Variants in SYT17 observed in about 807,000 individuals in gnomAD.
SYT17 encodes the protein synaptotagmin 17.
In SYT17, 22 loss-of-function variants were observed where a neutral mutation model predicts 46.7. That is an observed-to-expected ratio of 0.47 (90% CI 0.34 to 0.67). The LOEUF (loss-of-function observed/expected upper bound fraction) is 0.67, where lower values mean the gene tolerates loss of function less well. Ranked by LOEUF, SYT17 falls within the 30% of genes least tolerant of loss-of-function variation. The pLI is 0.01. For missense variants in SYT17, 519 were observed against 612.8 expected, an observed-to-expected ratio of 0.85 and a Z score of 1.62; for synonymous variants, 251 against 248.4, an observed-to-expected ratio of 1.01 and a Z score of -0.10.
chr16:19,224,215 C>T (rs908625290), intron 6 of SYT17, among the ~76,000 whole-genome samples: 2 of 152,140 alleles, frequency 1.3e-5, no homozygotes, highest in African/African-American at 4.8e-5. Flanking sequence ...GAGTCTGGTT[C>T]TGTGTCCACC....
intron 7 of SYT17, among the ~76,000 whole-genome samples, chr16:19,237,448 C>T (rs897200804): frequency 6.6e-6 from 1 of 150,660 alleles, no homozygotes; most frequent in African/African-American, 2.4e-5. Flanking sequence ...ATAAGACACA[C>T]CCAACAGTGC....
At position 19,225,038 on chromosome 16, in the gene SYT17, C is replaced by G. The variant is rs147029754; in HGVS notation, c.1228+200C>G. Among the ~76,000 whole-genome samples, 162 of 152,278 alleles carry G rather than the reference C, an allele frequency of 1.1e-3. 1 individual carries two copies. In the East Asian group the frequency reaches 0.026, roughly 25 times the overall value. Reference sequence around the variant, plus strand: ...ATAATATAATTGTTAGAAATGTGGACTTGAGCCAAATTTCCTCAGACTGCC... The same window carrying G: ...ATAATATAATTGTTAGAAATGTGGAGTTGAGCCAAATTTCCTCAGACTGCC... On this transcript the variant is annotated intron_variant, in intron 7 of 7. Coordinates refer to ENST00000355377, the MANE Select transcript of SYT17 (RefSeq NM_016524.4).
intron 5 of SYT17, among the ~76,000 whole-genome samples, chr16:19,201,450 C>A (rs1464480383): frequency 2.0e-5 from 3 of 152,056 alleles, no homozygotes; most frequent in Admixed American, 6.6e-5. Context: ...GACTCCTGTA[C>A]AAATGCCCAG....
intron 7 of SYT17, among the ~76,000 whole-genome samples, chr16:19,256,982 C>G (rs936779357): frequency 3.9e-5 from 6 of 152,144 alleles, no homozygotes; most frequent in Admixed American, 3.9e-4. Flanking sequence ...CTCTTAACTT[C>G]TCCGAGCCTC....
At chr16:19,184,271 T>C in intron 5 of SYT17, 124 bp downstream of exon 5, 1 of 1,347,780 alleles carries the variant, frequency 7.4e-7, no homozygotes, top group East Asian at 2.5e-5. Context: ...AAATAATTTT[T>C]GACTCACAAG....
chr16:19,259,508 T>C (rs1211042618), intron 7 of SYT17, among the ~76,000 whole-genome samples: 1 of 152,222 alleles, frequency 6.6e-6, no homozygotes, highest in Non-Finnish European at 1.5e-5. Context: ...TTTTGAGTTC[T>C]TGTATCTGTC....
At chr16:19,219,971 G>A (rs371682658) in intron 5 of SYT17, among the ~76,000 whole-genome samples, 23 of 152,286 alleles carry the variant, frequency 1.5e-4, no homozygotes, top group East Asian at 1.2e-3. Context: ...AGAATTCTCC[G>A]CATTGCTCAT....
At chr16:19,204,451 ACTCAGCTTTCG>A (rs1295253163) in intron 5 of SYT17, among the ~76,000 whole-genome samples, 3 of 151,978 alleles carry the variant, frequency 2.0e-5, no homozygotes, top group Non-Finnish European at 4.4e-5. Flanking sequence ...CTAGAGCCTC[ACTCAGCTTTCG>A]GCGTTGAGGT....
intron 7 of SYT17, among the ~76,000 whole-genome samples, chr16:19,237,497 G>T (rs1966864708): frequency 6.6e-6 from 1 of 152,178 alleles, no homozygotes; most frequent in Non-Finnish European, 1.5e-5. Context: ...ACACCTGGAA[G>T]TTACCGTCCC....
chr16:19,267,172 A>T lies in SYT17; in HGVS notation c.*96A>T. On this transcript the variant is annotated 3_prime_UTR_variant, in exon 8 of 8. Coordinates refer to ENST00000355377, the MANE Select transcript of SYT17 (RefSeq NM_016524.4). ...CTATTACATCCACACCTGCATACAC[A>T]CTCGCAACATGTCTACACACGTCCA... 1 of 1,107,890 alleles carries T rather than the reference A, an allele frequency of 9.0e-7. No homozygotes were observed. 68.6% of individuals were successfully genotyped at this position (1,107,890 alleles called of 1,614,324 possible).
At chr16:19,201,253 C>A (rs751688583) in intron 5 of SYT17, among the ~76,000 whole-genome samples, 4 of 152,106 alleles carry the variant, frequency 2.6e-5, no homozygotes, top group African/African-American at 7.2e-5. Context: ...GTGTCAGGAC[C>A]CTTTGGGCCA....
In SYT17 at chr16:19,182,122, T is replaced by C. The variant is rs1018268926; in HGVS notation, c.332-1406T>C. 7.5e-5 allele frequency among the ~76,000 whole-genome samples: 11 copies of C among 146,652 alleles called. No individual in the cohort carries two copies. The East Asian group carries it at 2.3e-3, about 31-fold the overall frequency. On this transcript the variant is annotated intron_variant, in intron 4 of 7. Transcript: ENST00000355377. ...GGTTAAATAAAATAAAATATTAAAA[T>C]TAATTTTGCAGGCTGGGCGCGGTGG...
intron 1 of SYT17, 50 bp from the exon 2 acceptor site, chr16:19,172,710 C>A (rs958574750): frequency 5.0e-6 from 8 of 1,609,104 alleles, no homozygotes; most frequent in Non-Finnish European, 6.8e-6. Flanking sequence ...TTTCTTTAAC[C>A]CCTTCGTTCC....
chr16:19,173,793 G>C (rs1964204494), intron 3 of SYT17, among the ~76,000 whole-genome samples: 1 of 152,090 alleles, frequency 6.6e-6, no homozygotes, highest in African/African-American at 2.4e-5. Context: ...CTGGTGGTGT[G>C]GTTTTAGTTC....
chr16:19,259,990 G>A lies in SYT17; in HGVS notation c.1229-6890G>A, dbSNP rs144676355. On this transcript the variant is annotated intron_variant, in intron 7 of 7. Transcript: ENST00000355377. ...TTCAGTCCAGAAAGATGGGACAGCT[G>A]GAAACAGGGACTGGGGAGTGTGTGG... 2.0e-3 allele frequency among the ~76,000 whole-genome samples: 311 copies of A among 152,166 alleles called. 2 individuals carry two copies. The highest frequency in any genetic ancestry group is 5.6e-3 in the South Asian group (27 of 4,816).
intron 7 of SYT17, among the ~76,000 whole-genome samples, chr16:19,231,161 T>C (rs921350942): frequency 2.0e-5 from 3 of 152,198 alleles, no homozygotes; most frequent in African/African-American, 4.8e-5. Flanking sequence ...AGGTAAAGTT[T>C]TGGAGAAATC....
At chr16:19,190,437 T>G (rs1195960794) in intron 5 of SYT17, among the ~76,000 whole-genome samples, 1 of 152,218 alleles carries the variant, frequency 6.6e-6, no homozygotes, top group Non-Finnish European at 1.5e-5. Flanking sequence ...ATTTACCGTC[T>G]TAACCATTTT....
intron 5 of SYT17, among the ~76,000 whole-genome samples, chr16:19,210,342 C>T (rs1004458114): frequency 1.3e-5 from 2 of 152,268 alleles, no homozygotes; most frequent in South Asian, 2.1e-4. Context: ...GCTTGGATTA[C>T]AAGCGTGAGT....
chr16:19,205,654 G>A (rs1459774460), intron 5 of SYT17, among the ~76,000 whole-genome samples: 2 of 151,996 alleles, frequency 1.3e-5, no homozygotes, highest in Non-Finnish European at 2.9e-5. Context: ...GATACTTTTT[G>A]TATCTTTAGT....
Sources: allele counts gnomAD v4.1 joint callset (sites outside exome capture counted in the v4.1 genomes callset), GRCh38; gene constraint gnomAD v4.1.1; transcripts MANE v1.5; gene names NCBI Gene and HGNC (gene_info 2026-07-23, HGNC 2026-07-21).